The following MUC12 variants were observed in gnomAD, a reference collection of about 807,000 sequenced individuals.
MUC12 encodes mucin 12, cell surface associated, also known as mucin-12.
Under a neutral mutation model 230.8 loss-of-function variants are expected in MUC12, and 172 were observed. That is an observed-to-expected ratio of 0.75 (90% CI 0.66 to 0.85). The LOEUF (loss-of-function observed/expected upper bound fraction) is 0.85. MUC12 is among the 40% of genes least tolerant of loss of function. MUC12 has a pLI of 0.00. For missense variants in MUC12, 3,506 were observed against 5,920.6 expected (o/e 0.59, Z 13.38); for synonymous variants, 1,259 against 2,401.9 (o/e 0.52, Z 13.91).
At chr7:100,969,745 A>G in intron 1 of MUC12, 56 bp downstream of exon 1, 2 of 1,535,436 alleles carry the variant, frequency 1.3e-6, no homozygotes, top group Non-Finnish European at 1.7e-6. Flanking sequence ...GTAATAGTAC[A>G]TGCCCCTGCC....
intron 1 of MUC12, chr7:100,972,874 G>C: frequency 5.7e-6 from 4 of 702,880 alleles, no homozygotes; most frequent in Non-Finnish European, 1.0e-5. Context: ...ATTGTGGACT[G>C]GTGAGGTTTT....
chr7:101,011,900 T>C (rs1237115074), intron 5 of MUC12, among the ~76,000 whole-genome samples: 1 of 152,216 alleles, frequency 6.6e-6, no homozygotes, highest in Non-Finnish European at 1.5e-5. Flanking sequence ...TTTGTATATA[T>C]ACCCAGAAGT....
rs200882830 is a variant in MUC12 at position 100,992,289 on chromosome 7, G to C, written c.1726G>C (p.Glu576Gln). 3.8e-5 allele frequency: 59 copies of C among 1,536,948 alleles called. No individual in the cohort carries two copies. The African/African-American group carries it at 6.2e-4, about 16-fold the overall frequency. The change falls in exon 2 of 12, where the codon GAA becomes CAA. Residue 576 changes from glutamate (E) to glutamine (Q), a missense_variant. Glu to Gln is a conservative substitution (Grantham distance 29). Transcript: ENST00000536621. Reference sequence around the variant, plus strand: ...TACCACAGCATCATCCCTTGGTCCAGAATATACTACCTTCCACAGCCGCCC... The same window carrying C: ...TACCACAGCATCATCCCTTGGTCCACAATATACTACCTTCCACAGCCGCCC... ...GSTTASSLGP[E>Q]YTTFHSRPGS...
chr7:101,017,374 G>A, intron 10 of MUC12: 1 of 546,676 alleles, frequency 1.8e-6, no homozygotes, highest in Non-Finnish European at 3.3e-6. Flanking sequence ...CTCCTGTTCC[G>A]GGGTCCAGCG....
intron 5 of MUC12, among the ~76,000 whole-genome samples, chr7:101,010,869 C>G (rs982664275): frequency 5.9e-5 from 9 of 152,008 alleles, no homozygotes; most frequent in African/African-American, 2.2e-4. Flanking sequence ...GGGCTGGTCT[C>G]AAACTCCTGG....
rs765759752 is a variant in MUC12 at position 100,993,039 on chromosome 7, T to G, written c.2476T>G (p.Phe826Val). 195 of 1,536,464 alleles carry G rather than the reference T, an allele frequency of 1.3e-4. No homozygotes were observed. Among genetic ancestry groups the G allele is most frequent in the Non-Finnish European group, 1.6e-4 (180 of 1,147,006 alleles). The change falls in exon 2 of 12, where the codon TTC becomes GTC. Residue 826 changes from phenylalanine to valine, a missense_variant. Transcript: ENST00000536621. Reference sequence around the variant, plus strand: ...AGGCCTCAGTGAGAGATCTACCACTTTCCATAGTAGCCCCAGATCACCAGC... The same window carrying G: ...AGGCCTCAGTGAGAGATCTACCACTGTCCATAGTAGCCCCAGATCACCAGC... ...TPGLSERSTT[F>V]HSSPRSPATT...
intron 1 of MUC12, among the ~76,000 whole-genome samples, chr7:100,977,050 C>CAAAAAAAAAA (rs1157648244): frequency 6.4e-5 from 4 of 62,428 alleles, no homozygotes; most frequent in Admixed American, 2.1e-4. Flanking sequence ...GACTCCATCT[C>CAAAAAAAAAA]AAAAAAAAAA....
rs1205430243 is a variant in MUC12 at position 101,012,365 on chromosome 7, G to A, written c.15321G>A (p.Leu5107=). The A allele has an allele frequency of 6.5e-7, 1 of 1,537,484 alleles. No individual in the cohort carries two copies. The highest frequency in any genetic ancestry group is 1.4e-5 in the African/African-American group (1 of 73,024). ...ACTACACTTTAGAGTATGAGGAACT[G>A]TTTGAAAACCTGGCAGAGATTGTAA... is the stretch of plus-strand genomic sequence containing the variant. ...EADYTLEYEE[L]FENLAEIVKA... Residue 5107 remains leucine (L), a synonymous_variant, in exon 6 of 12, where the codon CTG becomes CTA. Transcript: ENST00000536621.
chr7:101,017,628 C>A lies in MUC12; in HGVS notation c.15931C>A (p.Arg5311=), dbSNP rs1013571816. ...FGLENAYNNF[R]PTLETVDSGT... ...CCTTGAGAACGCCTACAACAACTTCCGGCCCACCCTGGAGACTGTTGACTC... is the reference window on the plus strand; with the variant it reads ...CCTTGAGAACGCCTACAACAACTTCAGGCCCACCCTGGAGACTGTTGACTC... The change falls in exon 11 of 12, where the codon CGG becomes AGG. Residue 5311 remains arginine (R), a synonymous_variant. Transcript: ENST00000536621. 1.3e-6 allele frequency: 2 copies of A among 1,536,136 alleles called. No homozygotes were observed. The highest frequency in any genetic ancestry group is 2.0e-5 in the Admixed American group (1 of 50,950).
rs938106238 is a variant in MUC12 at position 100,990,800 on chromosome 7, G to A, written c.237G>A (p.Glu79=). 8.5e-6 allele frequency: 13 copies of A among 1,537,628 alleles called. No homozygotes were observed. Among genetic ancestry groups the A allele is most frequent in the East Asian group, 4.9e-5 (2 of 40,924 alleles). The change falls in exon 2 of 12, where the codon GAG becomes GAA. Residue 79 remains glutamate, a synonymous_variant. Transcript: ENST00000536621. ...LDSSTNSGHS[E]ESTVSHSGPG... Reference sequence around the variant, plus strand: ...GCTCCACAAACTCAGGCCACAGTGAGGAATCAACAGTATCCCACAGCGGCC... The same window carrying A: ...GCTCCACAAACTCAGGCCACAGTGAAGAATCAACAGTATCCCACAGCGGCC...
At chr7:100,989,834 G>T (rs762118026) in intron 1 of MUC12, among the ~76,000 whole-genome samples, 3 of 152,044 alleles carry the variant, frequency 2.0e-5, no homozygotes, top group Non-Finnish European at 4.4e-5. Flanking sequence ...GGGATTACAG[G>T]TGTACACCAC....
chr7:101,004,832 A>C lies in MUC12; in HGVS notation c.14269A>C (p.Met4757Leu). The C allele has an allele frequency of 1.3e-6, 2 of 1,537,208 alleles. No homozygotes were observed. Among genetic ancestry groups the C allele is most frequent in the Non-Finnish European group, 1.7e-6 (2 of 1,146,518 alleles). The change falls in exon 2 of 12, where the codon ATG becomes CTG. Residue 4757 changes from methionine to leucine, a missense_variant. Met to Leu is a conservative substitution (Grantham distance 15). Coordinates refer to ENST00000536621, the MANE Select transcript of MUC12 (RefSeq NM_001164462.2). ...SPDQTLSPASMTSSSISGEPT... is the reference protein window; with the variant it reads ...SPDQTLSPASLTSSSISGEPT... ...AGACCAAACACTCTCACCTGCCAGC[A>C]TGACAAGCTCCAGCATCAGTGGAGA...
intron 1 of MUC12, among the ~76,000 whole-genome samples, chr7:100,988,291 A>AC (rs553892059): frequency 0.011 from 1,217 of 106,188 alleles, 11 homozygotes; most frequent in Middle Eastern, 0.064. Context: ...CTGTCCCAGA[A>AC]AAAAAAAAAA....
chr7:101,018,812 TGGGGGCTGTAAGCCTCTCCATCC>T lies in MUC12; in HGVS notation c.*180_*202del. The T allele has an allele frequency of 1.7e-6, 1 of 604,418 alleles. No individual in the cohort carries two copies. The highest frequency in any genetic ancestry group is 2.7e-6 in the Non-Finnish European group (1 of 375,038). 37.4% of individuals were successfully genotyped at this position (604,418 alleles called of 1,614,324 possible). On this transcript the variant is annotated 3_prime_UTR_variant, in exon 12 of 12. Coordinates refer to ENST00000536621, the MANE Select transcript of MUC12 (RefSeq NM_001164462.2). ...TGCCTGTGCTCCTGCTGGGGAAGGC[TGGGGGCTGTAAGCCTCTCCATCC>T]GGGAGCTTCCAGACTCCCAGAAGCC...
chr7:100,980,739 A>G (rs1793092975), intron 1 of MUC12, among the ~76,000 whole-genome samples: 2 of 152,120 alleles, frequency 1.3e-5, no homozygotes, highest in South Asian at 4.2e-4. Context: ...CCTGGGCAAG[A>G]TAGTGAGACC....
At chr7:100,989,104 T>C (rs1214563885) in intron 1 of MUC12, among the ~76,000 whole-genome samples, 4 of 146,978 alleles carry the variant, frequency 2.7e-5, no homozygotes, top group South Asian at 2.2e-4. Flanking sequence ...TTCTTCTTTT[T>C]TTTTTTTTTT....
intron 1 of MUC12, among the ~76,000 whole-genome samples, chr7:100,971,705 A>G (rs1268980017): frequency 3.9e-5 from 6 of 152,304 alleles, no homozygotes; most frequent in Non-Finnish European, 7.3e-5. Flanking sequence ...AAGTTCACCT[A>G]CAGAAGTGGG....
At position 101,002,794 on chromosome 7, in the gene MUC12, T is replaced by C; in HGVS notation, c.12231T>C (p.Ser4077=). 8.5e-7 allele frequency: 1 copy of C among 1,180,370 alleles called. No individual in the cohort carries two copies. Among genetic ancestry groups the C allele is most frequent in the Non-Finnish European group, 1.2e-6 (1 of 848,672 alleles). 73.1% of individuals were successfully genotyped at this position (1,180,370 alleles called of 1,614,324 possible). ...CAAGCACTGGCCTTCAGGAAGAATCTACCACTTTCCAGAGCTGGCCAAGCT... is the reference window on the plus strand; with the variant it reads ...CAAGCACTGGCCTTCAGGAAGAATCCACCACTTTCCAGAGCTGGCCAAGCT... ...SSTSTGLQEE[S]TTFQSWPSSS... The change falls in exon 2 of 12, where the codon TCT becomes TCC. Residue 4077 remains serine, a synonymous_variant. Transcript: ENST00000536621.
intron 1 of MUC12, among the ~76,000 whole-genome samples, chr7:100,987,519 C>G (rs968470664): frequency 1.3e-5 from 2 of 152,120 alleles, no homozygotes; most frequent in Admixed American, 6.5e-5. Context: ...GAATATTTGT[C>G]CTCACCCAAA....
Sources: gnomAD v4.1 joint callset for allele counts (sites outside exome capture counted in the v4.1 genomes callset) on GRCh38, gnomAD v4.1.1 for gene constraint, MANE v1.5 for transcripts, NCBI Gene and HGNC (gene_info 2026-07-23, HGNC 2026-07-21) for gene names.